DLGAP2: variants seen among roughly 807,000 people sequenced by gnomAD.
DLGAP2 encodes the protein DLG associated protein 2, also known as disks large-associated protein 2.
A neutral mutation model predicts 100.3 loss-of-function variants in DLGAP2; 26 were observed. The ratio of observed to expected loss-of-function variants is 0.26; its 90% CI spans 0.19 to 0.36. The LOEUF is 0.36. Ranked by LOEUF, DLGAP2 falls within the 10% of genes least tolerant of loss-of-function variation. The pLI is 1.00. For synonymous variants in DLGAP2, 886 were observed against 630.1 expected (o/e 1.41, Z -6.08); for missense variants, 1,858 against 1,453.2 (o/e 1.28, Z -4.53).
intron 1 of DLGAP2, among the ~76,000 whole-genome samples, chr8:883,546 G>A (rs1248239160): frequency 6.6e-6 from 1 of 151,754 alleles, no homozygotes; most frequent in East Asian, 1.9e-4. Flanking sequence ...TACATGTACA[G>A]AATGTGCAGG....
intron 4 of DLGAP2, among the ~76,000 whole-genome samples, chr8:1,516,403 CTGAG>C (rs1800385585): frequency 7.0e-6 from 1 of 142,366 alleles, no homozygotes; most frequent in African/African-American, 2.7e-5. Context: ...GAGTGGGTGA[CTGAG>C]TGAAAGAGTG....
In DLGAP2 at chr8:1,147,358, A is replaced by T. The variant is rs149723546; in HGVS notation, c.74-111493A>T. ...TACATTTTTTATTAACTTTGATTCT[A>T]GTGATCTTGCTACATTTATGTATTA... On this transcript the variant is annotated intron_variant, in intron 2 of 14. Transcript: ENST00000637795. 1.3e-3 allele frequency among the ~76,000 whole-genome samples: 205 copies of T among 152,226 alleles called. 1 individual carries two copies. Among genetic ancestry groups the T allele is most frequent in the African/African-American group, 4.9e-3 (202 of 41,552 alleles).
intron 6 of DLGAP2, among the ~76,000 whole-genome samples, chr8:1,608,766 G>A (rs1030554158): frequency 1.3e-5 from 2 of 149,394 alleles, no homozygotes; most frequent in South Asian, 2.2e-4. Context: ...GAGCCGATGC[G>A]ATCAACTGGA....
chr8:1,424,166 T>G (rs1797177214), intron 3 of DLGAP2, among the ~76,000 whole-genome samples: 1 of 152,198 alleles, frequency 6.6e-6, no homozygotes, highest in Admixed American at 6.5e-5. Context: ...TGCAGCTATT[T>G]CTCTCTTTCA....
At chr8:829,953 A>C (rs1796751287) in intron 1 of DLGAP2, among the ~76,000 whole-genome samples, 1 of 152,198 alleles carries the variant, frequency 6.6e-6, no homozygotes, top group South Asian at 2.1e-4. Context: ...TTCTCCAGTG[A>C]TATAAATAAT....
chr8:1,478,592 C>T (rs908175598), intron 3 of DLGAP2, among the ~76,000 whole-genome samples: 1 of 151,170 alleles, frequency 6.6e-6, no homozygotes, highest in African/African-American at 2.4e-5. Flanking sequence ...GTCCGGGACG[C>T]GGCACCTGGA....
At chr8:1,122,073 G>C (rs1796062418) in intron 2 of DLGAP2, among the ~76,000 whole-genome samples, 1 of 152,168 alleles carries the variant, frequency 6.6e-6, no homozygotes, top group Non-Finnish European at 1.5e-5. Context: ...CCAAGCCATT[G>C]AGCCAGAGAT....
chr8:1,363,625 C>G (rs867806485), intron 3 of DLGAP2, among the ~76,000 whole-genome samples: 1 of 152,210 alleles, frequency 6.6e-6, no homozygotes, highest in African/African-American at 2.4e-5. Flanking sequence ...TCTGGACCTG[C>G]AAATCTCCTC....
At chr8:779,375 ACTT>A (rs1821624907) in intron 1 of DLGAP2, among the ~76,000 whole-genome samples, 1 of 151,252 alleles carries the variant, frequency 6.6e-6, no homozygotes. Flanking sequence ...CCTGTGAATC[ACTT>A]CTTTATTCCA....
intron 1 of DLGAP2, among the ~76,000 whole-genome samples, chr8:897,811 A>C (rs1367765928): frequency 6.6e-6 from 1 of 152,042 alleles, no homozygotes; most frequent in Admixed American, 6.6e-5. Context: ...GAAAACATTG[A>C]TCCCAGCTGG....
At chr8:1,207,441 G>C (rs1798020090) in intron 2 of DLGAP2, among the ~76,000 whole-genome samples, 2 of 152,122 alleles carry the variant, frequency 1.3e-5, no homozygotes, top group Admixed American at 1.3e-4. Flanking sequence ...AGTATTCCAT[G>C]GTATATATAT....
chr8:1,169,163 C>G (rs1399378829), intron 2 of DLGAP2, among the ~76,000 whole-genome samples: 4 of 151,698 alleles, frequency 2.6e-5, no homozygotes, highest in Non-Finnish European at 5.9e-5. Context: ...GCTTGTTTTT[C>G]TAAGGTTTGT....
At chr8:747,543 C>T (rs1175604027) in intron 1 of DLGAP2, among the ~76,000 whole-genome samples, 7 of 25,736 alleles carry the variant, frequency 2.7e-4, no homozygotes, top group South Asian at 3.1e-3. Context: ...TGAAGTAGGA[C>T]GGGGCGCAGG....
chr8:1,548,093 A>T (rs1801603973), intron 4 of DLGAP2, among the ~76,000 whole-genome samples: 1 of 152,114 alleles, frequency 6.6e-6, no homozygotes, highest in African/African-American at 2.4e-5. Context: ...AATCTACTAG[A>T]TGCTAAATCT....
chr8:1,090,317 G>A (rs571087739), intron 2 of DLGAP2, among the ~76,000 whole-genome samples: 5 of 132,340 alleles, frequency 3.8e-5, no homozygotes, highest in East Asian at 2.0e-4. Context: ...CTCACACACC[G>A]AGGACCTGCT....
chr8:1,274,535 G>A (rs544972812), intron 3 of DLGAP2, among the ~76,000 whole-genome samples: 1 of 149,728 alleles, frequency 6.7e-6, no homozygotes, highest in African/African-American at 2.4e-5. Context: ...TAAAATGAGT[G>A]ACTTTGGATT....
intron 1 of DLGAP2, chr8:739,829 G>A (rs1462184302): frequency 6.6e-6 from 1 of 152,254 alleles, no homozygotes; most frequent in African/African-American, 2.4e-5. Context: ...CTGGCAGCAT[G>A]TGGAGCAGGC....
intron 2 of DLGAP2, among the ~76,000 whole-genome samples, chr8:1,148,176 G>T (rs1280920776): frequency 1.3e-5 from 2 of 151,978 alleles, no homozygotes; most frequent in East Asian, 3.9e-4. Context: ...ATTTCTTCTT[G>T]TGTCAGTTTT....
chr8:1,296,631 G>A (rs1037638749), intron 3 of DLGAP2, among the ~76,000 whole-genome samples: 6 of 152,220 alleles, frequency 3.9e-5, no homozygotes, highest in Non-Finnish European at 7.3e-5. Context: ...TCTGTGCAAA[G>A]TCTTACTGGA....
Sources: allele counts gnomAD v4.1 joint callset (sites outside exome capture counted in the v4.1 genomes callset), GRCh38; gene constraint gnomAD v4.1.1; transcripts MANE v1.5; gene names NCBI Gene and HGNC (gene_info 2026-07-23, HGNC 2026-07-21).